Variants in ARHGEF25 observed in about 807,000 individuals in gnomAD.
ARHGEF25 encodes RAC/CDC42 exchange factor.
In ARHGEF25, 42 loss-of-function variants were observed where a neutral mutation model predicts 74.0. The ratio of observed to expected loss-of-function variants is 0.57; its 90% CI spans 0.44 to 0.73. The LOEUF (loss-of-function observed/expected upper bound fraction) is 0.73. Ranked by LOEUF, ARHGEF25 falls within the 30% of genes least tolerant of loss-of-function variation. The pLI is 0.00. For synonymous variants in ARHGEF25, 293 were observed against 278.6 expected, an observed-to-expected ratio of 1.05 and a Z score of -0.51; for missense variants, 645 against 725.5, an observed-to-expected ratio of 0.89 and a Z score of 1.27.
upstream of ARHGEF25, among the ~76,000 whole-genome samples, chr12:57,610,957 T>A (rs1884014279): frequency 6.6e-6 from 1 of 152,110 alleles, no homozygotes; most frequent in Non-Finnish European, 1.5e-5. Context: ...GCGATTAGTC[T>A]TAGCTGGAGT....
chr12:57,611,450 C>T lies in ARHGEF25; in HGVS notation c.-445C>T, dbSNP rs532931573. The T allele has an allele frequency of 7.4e-4, 725 of 985,416 alleles. 6 individuals are homozygous for T. In the African/African-American group the frequency reaches 0.012, roughly 16 times the overall value. 61.0% of individuals were successfully genotyped at this position (985,416 alleles called of 1,614,324 possible). A position where few individuals can be genotyped will look rare whatever the true frequency, so the allele number is the denominator to read the frequency against. On this transcript the variant is annotated 5_prime_UTR_variant, in exon 1 of 15. Transcript: ENST00000286494. The surrounding 1 kb of genome is among the most constrained non-coding windows in gnomAD (Gnocchi z 4.5). ...CAGGCCTGTTATTCAGCTCTCCGCTCCGCTGGGACCCGCACAGCGCCAGTG... is the reference window on the plus strand; with the variant it reads ...CAGGCCTGTTATTCAGCTCTCCGCTTCGCTGGGACCCGCACAGCGCCAGTG...
Position 57,611,867 on chromosome 12 carries a change from G to C in ARHGEF25, c.-28G>C. ...GATTCCCCCTGCATGGCCGGCCCGG[G>C]TGGGGGGCGCGGGGGGGCCCGGGCG... On this transcript the variant is annotated 5_prime_UTR_variant, in exon 1 of 15. Coordinates refer to ENST00000286494, the MANE Select transcript of ARHGEF25 (RefSeq NM_182947.4). The surrounding 1 kb of genome is among the most constrained non-coding windows in gnomAD (Gnocchi z 4.5). 1 of 1,225,004 alleles carries C rather than the reference G, an allele frequency of 8.2e-7. No individual in the cohort carries two copies. The highest frequency in any genetic ancestry group is 1.0e-6 in the Non-Finnish European group (1 of 964,710). 75.9% of individuals were successfully genotyped at this position (1,225,004 alleles called of 1,614,324 possible). A position where few individuals can be genotyped will look rare whatever the true frequency, so the allele number is the denominator to read the frequency against.
Position 57,614,523 on chromosome 12 carries a change from G to A in ARHGEF25, c.734G>A (p.Arg245Gln). 3 of 1,614,006 alleles carry A rather than the reference G, an allele frequency of 1.9e-6. No individual in the cohort carries two copies. The highest frequency in any genetic ancestry group is 2.2e-5 in the East Asian group (1 of 44,864). Reference sequence around the variant, plus strand: ...AAACATTACCCCTGTTAGGAGCGCCGGCTGCATATGTATGTGGTGTACTGT... The same window carrying A: ...AAACATTACCCCTGTTAGGAGCGCCAGCTGCATATGTATGTGGTGTACTGT... ...LAQLFIKHER[R>Q]LHMYVVYCQN... Residue 245 changes from arginine (R) to glutamine (Q), a missense_variant, in exon 8 of 15, where the codon CGG becomes CAG. Arg to Gln is a conservative substitution (Grantham distance 43). This residue lies in a region of ARHGEF25 where 194 missense variants were observed against 269.4 expected (regional missense o/e 0.72). Transcript: ENST00000286494. The surrounding 1 kb of genome is among the most constrained non-coding windows in gnomAD (Gnocchi z 4.6).
At chr12:57,610,348 T>C (rs1444219504), upstream of ARHGEF25, 10 of 1,062,680 alleles carry the variant, frequency 9.4e-6, no homozygotes, top group African/African-American at 1.6e-5. Flanking sequence ...GGGTCGGGGG[T>C]CTTTCGGGGC....
In ARHGEF25 at chr12:57,616,771, ATCTT is replaced by A; in HGVS notation, c.1633-11_1633-8del. The A allele has an allele frequency of 3.8e-6, 6 of 1,576,912 alleles. No homozygotes were observed. The highest frequency in any genetic ancestry group is 5.2e-6 in the Non-Finnish European group (6 of 1,151,958). ...TGGCCTTTTTGATCCTCTGACTTGA[ATCTT>A]TTCTTCAGGCCCTTGGTGACATCCC... On this transcript the variant is annotated splice_polypyrimidine_tract_variant and intron_variant, in intron 14 of 14. Transcript: ENST00000286494.
upstream of ARHGEF25, among the ~76,000 whole-genome samples, chr12:57,611,241 G>A (rs947207580): frequency 6.6e-6 from 1 of 152,244 alleles, no homozygotes; most frequent in Non-Finnish European, 1.5e-5. The surrounding 1 kb of genome is among the most constrained non-coding windows in gnomAD (Gnocchi z 4.5). Flanking sequence ...GAGAGGGAGG[G>A]GGACCCCGGG....
intron 4 of ARHGEF25, 36 bp downstream of exon 4, chr12:57,613,552 C>T (rs751001598): frequency 2.5e-6 from 4 of 1,613,320 alleles, no homozygotes; most frequent in Non-Finnish European, 3.4e-6. Context: ...AGTTGCACAA[C>T]TTCCAGAAGA....
upstream of ARHGEF25, among the ~76,000 whole-genome samples, chr12:57,611,137 A>C (rs758917436): frequency 2.0e-5 from 3 of 152,244 alleles, no homozygotes; most frequent in Admixed American, 1.3e-4. This position sits in a 1 kb window ranked among gnomAD's most constrained non-coding sequence, Gnocchi z 4.5. Context: ...CCATCCACTG[A>C]GTCCTCCTTC....
At chr12:57,613,921 G>A in intron 5 of ARHGEF25, 95 bp from the exon 6 acceptor site, 6 of 1,477,858 alleles carry the variant, frequency 4.1e-6, no homozygotes, top group Non-Finnish European at 5.6e-6. Context: ...CAGGGAGGGG[G>A]AGGTGGAACA....
chr12:57,613,544 T>C, intron 4 of ARHGEF25, 28 bp downstream of exon 4: 2 of 1,613,278 alleles, frequency 1.2e-6, no homozygotes, highest in Non-Finnish European at 1.7e-6. Flanking sequence ...TTCCCTGCAG[T>C]TGCACAACTT....
rs758197571 is a variant in ARHGEF25 at position 57,611,864 on chromosome 12, C to T, written c.-31C>T. On this transcript the variant is annotated 5_prime_UTR_variant, in exon 1 of 15. Transcript: ENST00000286494. The surrounding 1 kb of genome is among the most constrained non-coding windows in gnomAD (Gnocchi z 4.5). The stretch of plus-strand genomic sequence containing the variant: ...CGTGATTCCCCCTGCATGGCCGGCC[C>T]GGGTGGGGGGCGCGGGGGGGCCCGG... 7.6e-5 allele frequency: 89 copies of T among 1,164,524 alleles called. No homozygotes were observed. The highest frequency in any genetic ancestry group is 9.1e-5 in the Non-Finnish European group (84 of 926,134). 72.1% of individuals were successfully genotyped at this position (1,164,524 alleles called of 1,614,324 possible).
chr12:57,611,878 G>T lies in ARHGEF25; in HGVS notation c.-17G>T, dbSNP rs748246527. 5.0e-6 allele frequency: 6 copies of T among 1,205,736 alleles called. No individual in the cohort carries two copies. In the South Asian group the frequency reaches 1.6e-4, roughly 31 times the overall value. The allele number at this position is 1,205,736 out of a possible 1,614,324, so 74.7% of individuals were successfully genotyped here. A position where few individuals can be genotyped will look rare whatever the true frequency, so the allele number is the denominator to read the frequency against. ...CATGGCCGGCCCGGGTGGGGGGCGC[G>T]GGGGGGCCCGGGCGCCATGCGGGGG... On this transcript the variant is annotated 5_prime_UTR_variant, in exon 1 of 15. Transcript: ENST00000286494. This position sits in a 1 kb window ranked among gnomAD's most constrained non-coding sequence, Gnocchi z 4.5.
intron 1 of ARHGEF25, 39 bp from the exon 2 acceptor site, chr12:57,612,891 G>T (rs769212408): frequency 6.3e-7 from 1 of 1,593,396 alleles, no homozygotes; most frequent in South Asian, 1.1e-5. Context: ...CTGGAGCTGG[G>T]GCAAGGTCTA....
chr12:57,611,674 G>A lies in ARHGEF25; in HGVS notation c.-221G>A, dbSNP rs960103064. The A allele has an allele frequency of 2.7e-6, 3 of 1,127,418 alleles. No homozygotes were observed. Among genetic ancestry groups the A allele is most frequent in the Non-Finnish European group, 3.3e-6 (3 of 921,180 alleles). The allele number at this position is 1,127,418 out of a possible 1,614,324, so 69.8% of individuals were successfully genotyped here. A position where few individuals can be genotyped will look rare whatever the true frequency, so the allele number is the denominator to read the frequency against. Reference sequence around the variant, plus strand: ...CCTCCCCGCCCAGCCCGGCGGCCGGGCCCCGCGCCTCTCTCTCTCTAGAGC... The same window carrying A: ...CCTCCCCGCCCAGCCCGGCGGCCGGACCCCGCGCCTCTCTCTCTCTAGAGC... On this transcript the variant is annotated 5_prime_UTR_variant, in exon 1 of 15. Coordinates refer to ENST00000286494, the MANE Select transcript of ARHGEF25 (RefSeq NM_182947.4). This position sits in a 1 kb window ranked among gnomAD's most constrained non-coding sequence, Gnocchi z 4.5.
chr12:57,610,470 CT>C, upstream of ARHGEF25: 4 of 1,178,052 alleles, frequency 3.4e-6, no homozygotes, highest in Admixed American at 2.8e-5. Context: ...CTGGGCGAGC[CT>C]TTTATAACAA....
chr12:57,615,188 A>G (rs1418047203), intron 10 of ARHGEF25, 49 bp from the exon 11 acceptor site: 2 of 1,567,190 alleles, frequency 1.3e-6, no homozygotes, highest in Non-Finnish European at 1.7e-6. Context: ...CTCTTTCCCA[A>G]TAATGACTCT....
At position 57,613,015 on chromosome 12, in the gene ARHGEF25, C is replaced by T. The variant is rs962524675; in HGVS notation, c.183C>T (p.Gly61=). ...CTGCCCCCTCTGGCCCCAGCTCTGG[C>T]CTCAGCTCTGGCCCCTGTTCCCCAG... ...GLAAPSGPSS[G]LSSGPCSPGP... Residue 61 remains glycine, a synonymous_variant, in exon 2 of 15, where the codon GGC becomes GGT. Coordinates refer to ENST00000286494, the MANE Select transcript of ARHGEF25 (RefSeq NM_182947.4). The T allele has an allele frequency of 9.9e-6, 16 of 1,614,070 alleles. No individual in the cohort carries two copies. In the African/African-American group the frequency reaches 2.0e-4, roughly 20 times the overall value.
chr12:57,613,944 G>T (rs1407865548), intron 5 of ARHGEF25, 72 bp from the exon 6 acceptor site: 11 of 1,530,722 alleles, frequency 7.2e-6, no homozygotes, highest in Non-Finnish European at 9.0e-6. Context: ...CCCTGGATTT[G>T]TGTACAGGAG....
In ARHGEF25 at chr12:57,613,302, G is replaced by A; in HGVS notation, c.351G>A (p.Glu117=). 1 of 1,614,240 alleles carries A rather than the reference G, an allele frequency of 6.2e-7. No individual in the cohort carries two copies. Among genetic ancestry groups the A allele is most frequent in the Non-Finnish European group, 8.5e-7 (1 of 1,180,040 alleles). The change falls in exon 3 of 15, where the codon GAG becomes GAA. Residue 117 remains glutamate (E), a synonymous_variant. Coordinates refer to ENST00000286494, the MANE Select transcript of ARHGEF25 (RefSeq NM_182947.4). ...MLEPALATGE[E]LPELTLLTTL... ...AGCCAGCTCTAGCCACAGGAGAGGA[G>A]CTGCCGGAACTGACCTTGCTGACCA...
Sources: gnomAD v4.1 joint callset for allele counts (sites outside exome capture counted in the v4.1 genomes callset) on GRCh38, gnomAD v4.1.1 for gene constraint, gnomAD v4.1.1 regional missense constraint, Gnocchi (gnomAD v3.1) non-coding constraint, MANE v1.5 for transcripts, NCBI Gene and HGNC (gene_info 2026-07-23, HGNC 2026-07-21) for gene names.